ZNF100: variants seen among roughly 807,000 people sequenced by gnomAD.
ZNF100 encodes the protein zinc finger protein 100 (Y1).
ZNF100 carries 12 observed loss-of-function variants against 15.8 expected under a neutral mutation model. That is an observed-to-expected ratio of 0.76 (90% CI 0.49 to 1.23). The LOEUF (loss-of-function observed/expected upper bound fraction) is 1.23, where lower values mean the gene tolerates loss of function less well. Ranked by LOEUF, ZNF100 falls within the 50% of genes most tolerant of loss-of-function variation. ZNF100 has a pLI of 0.00. For missense variants in ZNF100, 670 were observed against 635.6 expected (o/e 1.05, Z -0.58); for synonymous variants, 226 against 214.8 (o/e 1.05, Z -0.45).
chr19:21,767,339 A>G, intron 1 of ZNF100, 88 bp downstream of exon 1: 1 of 1,603,048 alleles, frequency 6.2e-7, no homozygotes, highest in Admixed American at 1.7e-5. Context: ...CTGACTGCGG[A>G]GAGGCCTGAG....
At chr19:21,750,944 G>A in intron 2 of ZNF100, 3 of 777,506 alleles carry the variant, frequency 3.9e-6, no homozygotes, top group Non-Finnish European at 6.2e-6. Context: ...CGACATCTAC[G>A]AGGCGGCACC....
intron 2 of ZNF100, among the ~76,000 whole-genome samples, chr19:21,764,950 A>G (rs1455462199): frequency 6.6e-6 from 1 of 152,202 alleles, no homozygotes; most frequent in Non-Finnish European, 1.5e-5. Context: ...ACTAAAATTG[A>G]GAGATTTTGC....
rs1489834287 is a variant in ZNF100, at chr19:21,745,005, G to T, written c.159C>A (p.Asp53Glu). The change falls in exon 3 of 5, where the codon GAC becomes GAA. Residue 53 changes from aspartate to glutamate, a missense_variant. Transcript: ENST00000358296. ...TCCTATACAAACCCTGCTGAGCACTGTCCAGGCATTGCCACTCCTCCAGAG... is the reference window on the plus strand; with the variant it reads ...TCCTATACAAACCCTGCTGAGCACTTTCCAGGCATTGCCACTCCTCCAGAG... ...EFSLEEWQCLDSAQQGLYRKV... is the reference protein window; with the variant it reads ...EFSLEEWQCLESAQQGLYRKV... The T allele has an allele frequency of 5.6e-6, 9 of 1,612,870 alleles. No homozygotes were observed. Among genetic ancestry groups the T allele is most frequent in the Non-Finnish European group, 7.6e-6 (9 of 1,179,834 alleles).
At chr19:21,765,277 C>T (rs2036540414) in intron 2 of ZNF100, among the ~76,000 whole-genome samples, 1 of 152,118 alleles carries the variant, frequency 6.6e-6, no homozygotes, top group Non-Finnish European at 1.5e-5. Context: ...GATTAAATAA[C>T]AGATGTGTCT....
At chr19:21,751,818 G>A (rs2036311747) in intron 2 of ZNF100, 1 of 1,012,808 alleles carries the variant, frequency 9.9e-7, no homozygotes, top group African/African-American at 1.6e-5. Context: ...GCTATTTCTA[G>A]ATTATGTGAA....
intron 2 of ZNF100, among the ~76,000 whole-genome samples, chr19:21,763,363 G>A (rs543214091): frequency 1.1e-4 from 16 of 152,168 alleles, no homozygotes; most frequent in Admixed American, 7.9e-4. Context: ...TTGGGAGACC[G>A]AGGTGGGCAG....
rs537866610 is a variant in ZNF100 at position 21,767,539 on chromosome 19, G to C, written c.-110C>G. 6.7e-6 allele frequency: 10 copies of C among 1,490,954 alleles called. No homozygotes were observed. Among genetic ancestry groups the C allele is most frequent in the African/African-American group, 2.8e-5 (2 of 70,742 alleles). The allele number at this position is 1,490,954 out of a possible 1,614,324, so 92.4% of individuals were successfully genotyped here. A position where few individuals can be genotyped will look rare whatever the true frequency, so the allele number is the denominator to read the frequency against. ...AGGAGCAGAAGACACAGAGAAGTGA[G>C]AGCAAAACCTGGAGCTCCGGCTACA... On this transcript the variant is annotated 5_prime_UTR_variant, in exon 1 of 5. Coordinates refer to ENST00000358296, the MANE Select transcript of ZNF100 (RefSeq NM_173531.4).
chr19:21,727,280 G>C lies in ZNF100; in HGVS notation c.1032C>G (p.Pro344=). ...CTTTGCCACATTCTTCACATTTGTA[G>C]GGTTTCTCTCCAGTATGAATTATCC... ...THRIIHTGEK[P]YKCEECGKAF... Residue 344 remains proline (P), a synonymous_variant, in exon 5 of 5, where the codon CCC becomes CCG. Coordinates refer to ENST00000358296, the MANE Select transcript of ZNF100 (RefSeq NM_173531.4). 1 of 1,609,036 alleles carries C rather than the reference G, an allele frequency of 6.2e-7. No individual in the cohort carries two copies. The highest frequency in any genetic ancestry group is 1.3e-5 in the African/African-American group (1 of 74,960).
intron 4 of ZNF100, among the ~76,000 whole-genome samples, chr19:21,736,570 C>T (rs945629719): frequency 2.6e-5 from 4 of 152,212 alleles, no homozygotes; most frequent in Non-Finnish European, 4.4e-5. Flanking sequence ...ATTTACAGAA[C>T]TCACCAGCCA....
intron 4 of ZNF100, among the ~76,000 whole-genome samples, chr19:21,730,119 T>C (rs2035886312): frequency 6.6e-6 from 1 of 151,894 alleles, no homozygotes; most frequent in Non-Finnish European, 1.5e-5. Context: ...TTTCAGAAAA[T>C]TATTTAAATA....
intron 1 of ZNF100, among the ~76,000 whole-genome samples, chr19:21,766,093 ATCT>A (rs1181327270): frequency 1.3e-5 from 2 of 152,224 alleles, no homozygotes. Context: ...CGGATAACAC[ATCT>A]TCTTAAAAGC....
intron 2 of ZNF100, chr19:21,753,602 T>C (rs888819904): frequency 1.3e-5 from 2 of 152,086 alleles, no homozygotes; most frequent in African/African-American, 4.8e-5. Context: ...AAGAAAAACA[T>C]TCAGGCAAGG....
chr19:21,733,725 T>C (rs2035961433), intron 4 of ZNF100, among the ~76,000 whole-genome samples: 1 of 152,258 alleles, frequency 6.6e-6, no homozygotes, highest in Non-Finnish European at 1.5e-5. Context: ...CCTTGTTAAA[T>C]GGTTCCTGAA....
At chr19:21,758,901 C>CA (rs2036434799) in intron 2 of ZNF100, among the ~76,000 whole-genome samples, 1 of 152,166 alleles carries the variant, frequency 6.6e-6, no homozygotes, top group Non-Finnish European at 1.5e-5. Flanking sequence ...TAGACGAGAA[C>CA]AGAGCCTCCC....
rs1430930091 is a variant in ZNF100 at position 21,724,627 on chromosome 19, G to A, written c.*2056C>T. On this transcript the variant is annotated 3_prime_UTR_variant, in exon 5 of 5. Transcript: ENST00000358296. Reference sequence around the variant, plus strand: ...TGTAATACAAAGGATAAATACTAGAGGTGATGGATACCTCATTTACCCTGA... The same window carrying A: ...TGTAATACAAAGGATAAATACTAGAAGTGATGGATACCTCATTTACCCTGA... 6.6e-6 allele frequency: 1 copy of A among 151,614 alleles called. No individual in the cohort carries two copies. The highest frequency in any genetic ancestry group is 1.5e-5 in the Non-Finnish European group (1 of 67,934). 9.4% of individuals were successfully genotyped at this position (151,614 alleles called of 1,614,324 possible). A position where few individuals can be genotyped will look rare whatever the true frequency, so the allele number is the denominator to read the frequency against.
At chr19:21,734,343 G>A (rs111540312) in intron 4 of ZNF100, among the ~76,000 whole-genome samples, 12,235 of 151,780 alleles carry the variant, frequency 0.081, 564 homozygotes, top group Middle Eastern at 0.15. Context: ...CTGTTAACCC[G>A]AATAACCAGT....
At chr19:21,734,675 C>G (rs2145697772) in intron 4 of ZNF100, among the ~76,000 whole-genome samples, 2 of 152,248 alleles carry the variant, frequency 1.3e-5, no homozygotes, top group Middle Eastern at 3.4e-3. Flanking sequence ...CCTAACAAGA[C>G]AGGCCATCAT....
At chr19:21,751,013 C>A (rs2036298491) in intron 2 of ZNF100, 30 of 1,245,214 alleles carry the variant, frequency 2.4e-5, no homozygotes, top group Non-Finnish European at 3.3e-5. Context: ...GATTTCGCAG[C>A]GGGCGAGGGC....
intron 4 of ZNF100, among the ~76,000 whole-genome samples, chr19:21,742,234 T>C (rs112201935): frequency 0.049 from 7,430 of 150,176 alleles, 189 homozygotes; most frequent in African/African-American, 0.072. Context: ...GAGGTGGGGG[T>C]TGCAGTGAGC....
Sources: allele counts gnomAD v4.1 joint callset (sites outside exome capture counted in the v4.1 genomes callset), GRCh38; gene constraint gnomAD v4.1.1; transcripts MANE v1.5; gene names NCBI Gene and HGNC (gene_info 2026-07-23, HGNC 2026-07-21).